CYB5D2: variants seen among roughly 807,000 people sequenced by gnomAD.
CYB5D2 encodes neuferricin.
A neutral mutation model predicts 22.8 loss-of-function variants in CYB5D2; 23 were observed. The observed-to-expected ratio is 1.01, with a 90% CI of 0.73 to 1.43. CYB5D2 has a LOEUF of 1.43. Among genes scored for constraint, CYB5D2 ranks in the 40% most tolerant of loss-of-function variants. The pLI is 0.00. For missense variants in CYB5D2, 373 were observed against 357.2 expected (o/e 1.04, Z -0.36); for synonymous variants, 170 against 152.2 (o/e 1.12, Z -0.86).
rs779061990 is a variant in CYB5D2 at position 4,154,801 on chromosome 17, G to A, written c.519G>A (p.Pro173=). The A allele has an allele frequency of 5.5e-5, 88 of 1,614,172 alleles. No homozygotes were observed. Among genetic ancestry groups the A allele is most frequent in the East Asian group, 2.5e-4 (11 of 44,886 alleles). The change falls in exon 3 of 4, where the codon CCG becomes CCA. Residue 173 remains proline, a synonymous_variant. Coordinates refer to ENST00000301391, the MANE Select transcript of CYB5D2 (RefSeq NM_144611.4). ...AGCTGCAAGAGAAGCAGACATTCCC[G>A]CCGTGCAACGCGGAGTGGAGCTCAG... ...KLQLQEKQTF[P]PCNAEWSSAR... is the part of the protein sequence containing the mutation.
chr17:4,156,009 C>T (rs2059109201), intron 3 of CYB5D2, among the ~76,000 whole-genome samples: 1 of 152,382 alleles, frequency 6.6e-6, no homozygotes, highest in Middle Eastern at 3.4e-3. Flanking sequence ...GTGTGGAGTA[C>T]AGATCCCCAA....
rs2142991955 is a variant in CYB5D2, at chr17:4,143,903, C to T, written c.148C>T (p.Pro50Ser). 6.2e-7 allele frequency: 1 copy of T among 1,613,934 alleles called. No individual in the cohort carries two copies. Among genetic ancestry groups the T allele is most frequent in the African/African-American group, 1.3e-5 (1 of 75,056 alleles). Residue 50 changes from proline (P) to serine (S), a missense_variant, in exon 1 of 4, where the codon CCA becomes TCA. Pro to Ser is a moderately conservative substitution (Grantham distance 74, BLOSUM62 -1). Transcript: ENST00000301391. ...GGAGCTGTCTCGCTACCGCGGCGGC[C>T]CAGGGGACCCGGGCCTGTACTTGGC... ...PEELSRYRGGPGDPGLYLALL... is the reference protein window; with the variant it reads ...PEELSRYRGGSGDPGLYLALL...
At chr17:4,152,892 C>G (rs535698639) in intron 2 of CYB5D2, among the ~76,000 whole-genome samples, 7 of 152,324 alleles carry the variant, frequency 4.6e-5, no homozygotes, top group African/African-American at 1.4e-4. Context: ...GTTCTCCTGC[C>G]TCAGCCTCCT....
chr17:4,146,135 G>T (rs1029591406), intron 1 of CYB5D2, among the ~76,000 whole-genome samples: 1 of 151,982 alleles, frequency 6.6e-6, no homozygotes, highest in African/African-American at 2.4e-5. Flanking sequence ...TGGTTCTTTA[G>T]CCCAGGCTGG....
At chr17:4,151,193 T>C (rs1339638740) in intron 2 of CYB5D2, among the ~76,000 whole-genome samples, 4 of 152,156 alleles carry the variant, frequency 2.6e-5, no homozygotes, top group Admixed American at 2.6e-4. Context: ...CCATCCATTG[T>C]GGGCCTCTGC....
intron 1 of CYB5D2, among the ~76,000 whole-genome samples, chr17:4,149,058 C>A (rs766575205): frequency 6.6e-6 from 1 of 151,918 alleles, no homozygotes; most frequent in Non-Finnish European, 1.5e-5. Flanking sequence ...CCTCCTTATT[C>A]AGCTTCTTGA....
chr17:4,144,092 AT>A lies in CYB5D2; in HGVS notation c.250+90del, dbSNP rs950625881. ...TCGTTCGTTGGTTCATTATTCATCT[AT>A]TTCCCCCCCCATCCCCACCCCACAT... On this transcript the variant is annotated intron_variant, in intron 1 of 3. Transcript: ENST00000301391. 92 of 1,487,686 alleles carry A rather than the reference AT, an allele frequency of 6.2e-5. No individual in the cohort carries two copies. In the African/African-American group the frequency reaches 1.0e-3, roughly 16 times the overall value. 92.2% of individuals were successfully genotyped at this position (1,487,686 alleles called of 1,614,324 possible).
intron 1 of CYB5D2, 96 bp downstream of exon 1, chr17:4,144,101 C>G (rs1040462526): frequency 1.4e-6 from 2 of 1,462,564 alleles, no homozygotes; most frequent in Non-Finnish European, 1.8e-6. Flanking sequence ...TATTTCCCCC[C>G]CCATCCCCAC....
Position 4,144,747 on chromosome 17 carries a change from C to G in CYB5D2, c.250+742C>G, listed in dbSNP as rs112380885. On this transcript the variant is annotated intron_variant, in intron 1 of 3. Transcript: ENST00000301391. ...AAGGATGCGATTTGCCTGAAACCCT[C>G]ACACCTGAATACTGACAGAATATGG... 7.6e-3 allele frequency among the ~76,000 whole-genome samples: 1,150 copies of G among 152,236 alleles called. 17 individuals carry two copies. Among genetic ancestry groups the G allele is most frequent in the African/African-American group, 0.026 (1,091 of 41,532 alleles).
intron 1 of CYB5D2, among the ~76,000 whole-genome samples, chr17:4,148,395 T>C (rs2059016036): frequency 6.6e-6 from 1 of 151,842 alleles, no homozygotes; most frequent in African/African-American, 2.4e-5. Context: ...CGGGCACCTG[T>C]AGTCCCAGCT....
intron 2 of CYB5D2, 108 bp from the exon 3 acceptor site, chr17:4,154,566 C>A: frequency 7.7e-7 from 1 of 1,292,956 alleles, no homozygotes; most frequent in Non-Finnish European, 1.1e-6. Flanking sequence ...TTATTAAACG[C>A]GCACCAGCAG....
At chr17:4,151,312 G>T (rs1476399663) in intron 2 of CYB5D2, among the ~76,000 whole-genome samples, 2 of 152,144 alleles carry the variant, frequency 1.3e-5, no homozygotes, top group African/African-American at 4.8e-5. Flanking sequence ...TCAGAGGGCT[G>T]GGTTCTTCCC....
At chr17:4,147,247 G>A (rs1180417205) in intron 1 of CYB5D2, among the ~76,000 whole-genome samples, 1 of 152,060 alleles carries the variant, frequency 6.6e-6, no homozygotes, top group African/African-American at 2.4e-5. Context: ...CTCCAGCCTG[G>A]GCGATACAGC....
rs186579410 is a variant in CYB5D2, at chr17:4,155,720, G to A, written c.578+860G>A. The stretch of plus-strand genomic sequence containing the variant: ...ACTGGTCTCTGAGACTCCAGGAGGA[G>A]GAGACTCCAGGAGGCCTGCGTGCGT... On this transcript the variant is annotated intron_variant, in intron 3 of 3. Transcript: ENST00000301391. 1.2e-4 allele frequency among the ~76,000 whole-genome samples: 18 copies of A among 152,274 alleles called. No individual in the cohort carries two copies. The East Asian group carries it at 3.5e-3, about 29-fold the overall frequency.
At position 4,143,204 on chromosome 17, in the gene CYB5D2, T is replaced by G; in HGVS notation, c.-552T>G. 3.2e-6 allele frequency: 1 copy of G among 309,984 alleles called. No individual in the cohort carries two copies. The highest frequency in any genetic ancestry group is 2.1e-5 in the African/African-American group (1 of 46,546). The allele number at this position is 309,984 out of a possible 1,614,324, so 19.2% of individuals were successfully genotyped here. ...TCCGTAGCCTCCGCTGCCGCCATCT[T>G]TGTTGGGGCTGACAACCTGCAAGCC... On this transcript the variant is annotated 5_prime_UTR_variant, in exon 1 of 4. Coordinates refer to ENST00000301391, the MANE Select transcript of CYB5D2 (RefSeq NM_144611.4).
chr17:4,152,326 C>T (rs772262838), intron 2 of CYB5D2, among the ~76,000 whole-genome samples: 4 of 152,106 alleles, frequency 2.6e-5, no homozygotes, highest in Non-Finnish European at 5.9e-5. Flanking sequence ...GGATAGGGGC[C>T]ATGTTAGGCT....
At position 4,151,451 on chromosome 17, in the gene CYB5D2, G is replaced by A. The variant is rs139014685; in HGVS notation, c.391+1420G>A. ...TGTAATCCTAACACTTTGGGAGGCC[G>A]AGGTGGGCGGATCACCACCTGAGGT... On this transcript the variant is annotated intron_variant, in intron 2 of 3. Transcript: ENST00000301391. Among the ~76,000 whole-genome samples the A allele has an allele frequency of 5.4e-3, 824 of 152,284 alleles. 11 individuals carry two copies. The highest frequency in any genetic ancestry group is 0.019 in the African/African-American group (774 of 41,554).
intron 2 of CYB5D2, among the ~76,000 whole-genome samples, chr17:4,153,420 A>T (rs2059079599): frequency 6.6e-6 from 1 of 152,220 alleles, no homozygotes; most frequent in Non-Finnish European, 1.5e-5. Flanking sequence ...GTAGCTTGTA[A>T]GAGGCTGAAG....
chr17:4,144,886 A>C (rs1331370960), intron 1 of CYB5D2, among the ~76,000 whole-genome samples: 1 of 152,042 alleles, frequency 6.6e-6, no homozygotes, highest in Admixed American at 6.5e-5. Flanking sequence ...TCCCGGGTTC[A>C]CGCCATTCTC....
Sources: gnomAD v4.1 joint callset for allele counts (sites outside exome capture counted in the v4.1 genomes callset) on GRCh38, gnomAD v4.1.1 for gene constraint, MANE v1.5 for transcripts, NCBI Gene and HGNC (gene_info 2026-07-23, HGNC 2026-07-21) for gene names.